LARS2: variants seen among roughly 807,000 people sequenced by gnomAD.
LARS2 encodes leucine--tRNA ligase, mitochondrial.
Under a neutral mutation model 116.6 loss-of-function variants are expected in LARS2, and 81 were observed. The observed-to-expected ratio is 0.69, with a 90% confidence interval of 0.58 to 0.84. The LOEUF (loss-of-function observed/expected upper bound fraction) is 0.84. Among genes scored for constraint, LARS2 ranks in the 40% least tolerant of loss-of-function variants. The pLI, the probability that LARS2 is intolerant of heterozygous loss-of-function variation, is 0.00. For missense variants in LARS2, 968 were observed against 1,114.5 expected, an observed-to-expected ratio of 0.87 and a Z score of 1.87; for synonymous variants, 396 against 407.2, an observed-to-expected ratio of 0.97 and a Z score of 0.33.
intron 6 of LARS2, among the ~76,000 whole-genome samples, chr3:45,432,100 A>G (rs932102588): frequency 6.6e-6 from 1 of 152,230 alleles, no homozygotes; most frequent in Non-Finnish European, 1.5e-5. Flanking sequence ...GCTTAATACA[A>G]TAAGGTATAA....
At chr3:45,473,407 CAG>C (rs1699560048) in intron 8 of LARS2, among the ~76,000 whole-genome samples, 1 of 150,266 alleles carries the variant, frequency 6.7e-6, no homozygotes, top group South Asian at 2.1e-4. Flanking sequence ...TTTTTTGAGA[CAG>C]AGTCTTGCTC....
intron 20 of LARS2, 30 bp from the exon 21 acceptor site, chr3:45,541,799 A>G (rs754863036): frequency 5.0e-6 from 8 of 1,612,626 alleles, no homozygotes; most frequent in Non-Finnish European, 6.8e-6. Context: ...TCTTAGAGTG[A>G]CCCCACGCTT....
At chr3:45,515,543 T>G (rs1202025252) in intron 16 of LARS2, among the ~76,000 whole-genome samples, 1 of 152,060 alleles carries the variant, frequency 6.6e-6, no homozygotes, top group African/African-American at 2.4e-5. Context: ...CAGTGGTATG[T>G]GAGTAGGGGA....
intron 20 of LARS2, among the ~76,000 whole-genome samples, chr3:45,532,080 T>C (rs1056672027): frequency 1.3e-5 from 2 of 152,254 alleles, no homozygotes; most frequent in Non-Finnish European, 2.9e-5. Flanking sequence ...CTAATAGTTA[T>C]GCCATGGTGT....
rs187393473 is a variant in LARS2, at chr3:45,492,063, T to C, written c.1523+263T>C. ...TCAGATCTATCCCAGAAACATCTGA[T>C]CCAACTGATGGAAAAGCTCTAAATT... is the stretch of plus-strand genomic sequence containing the variant. On this transcript the variant is annotated intron_variant, in intron 13 of 21. Transcript: ENST00000645846. 2.0e-5 allele frequency among the ~76,000 whole-genome samples: 3 copies of C among 152,344 alleles called. 1 individual carries two copies. The East Asian group carries it at 5.8e-4, about 29-fold the overall frequency.
intron 4 of LARS2, among the ~76,000 whole-genome samples, chr3:45,406,909 T>C (rs1424649027): frequency 1.3e-5 from 2 of 152,196 alleles, no homozygotes; most frequent in African/African-American, 2.4e-5. Flanking sequence ...TTGTTGTGTT[T>C]TCATATGTTG....
Position 45,547,945 on chromosome 3 carries a change from G to A in LARS2, c.*415G>A, listed in dbSNP as rs937136501. 1 of 159,054 alleles carries A rather than the reference G, an allele frequency of 6.3e-6. No individual in the cohort carries two copies. Among genetic ancestry groups the A allele is most frequent in the Non-Finnish European group, 1.4e-5 (1 of 72,882 alleles). The allele number at this position is 159,054 out of a possible 1,614,324, so 9.9% of individuals were successfully genotyped here. On this transcript the variant is annotated 3_prime_UTR_variant, in exon 22 of 22. Coordinates refer to ENST00000645846, the MANE Select transcript of LARS2 (RefSeq NM_015340.4). ...CTTCTCGGGAATTTGAGGCCAGCCT[G>A]AGGAACTGCAGGACTCAGGTGCAAT... is the stretch of plus-strand genomic sequence containing the variant.
At chr3:45,520,172 CT>C (rs1700430340) in intron 18 of LARS2, 46 bp from the exon 19 acceptor site, 2 of 1,368,718 alleles carry the variant, frequency 1.5e-6, no homozygotes, top group African/African-American at 2.9e-5. Context: ...TTGTGGAAAG[CT>C]TAAAAGAATT....
At chr3:45,439,979 C>A (rs1698877946) in intron 6 of LARS2, among the ~76,000 whole-genome samples, 1 of 152,188 alleles carries the variant, frequency 6.6e-6, no homozygotes, top group African/African-American at 2.4e-5. Context: ...GGGGCCTAGG[C>A]ATTAGTAACT....
At chr3:45,422,429 G>A (rs907010297) in intron 6 of LARS2, 2 of 151,932 alleles carry the variant, frequency 1.3e-5, no homozygotes, top group Non-Finnish European at 2.9e-5. Context: ...CTTTGAGATA[G>A]GATAAATAAC....
At chr3:45,454,809 C>A (rs1453304190) in intron 7 of LARS2, among the ~76,000 whole-genome samples, 1 of 152,166 alleles carries the variant, frequency 6.6e-6, no homozygotes, top group African/African-American at 2.4e-5. Context: ...ATGAGGGAAG[C>A]TATTGATAGA....
At chr3:45,411,504 C>T (rs1698330860) in intron 4 of LARS2, among the ~76,000 whole-genome samples, 1 of 152,210 alleles carries the variant, frequency 6.6e-6, no homozygotes, top group South Asian at 2.1e-4. Context: ...ACCTTCCAGC[C>T]TTCCAAGAAG....
intron 8 of LARS2, among the ~76,000 whole-genome samples, chr3:45,469,315 A>G (rs369684195): frequency 2.0e-4 from 30 of 152,178 alleles, no homozygotes; most frequent in African/African-American, 7.0e-4. Context: ...TCTAAAGTCA[A>G]ACAAGGTAAA....
intron 15 of LARS2, among the ~76,000 whole-genome samples, chr3:45,511,525 C>T (rs559235413): frequency 8.6e-5 from 13 of 152,022 alleles, no homozygotes; most frequent in Middle Eastern, 6.8e-3. Flanking sequence ...ATCATTATAC[C>T]GCTAGGACTT....
chr3:45,520,264 T>C lies in LARS2; in HGVS notation c.2260T>C (p.Ser754Pro). 1.2e-6 allele frequency: 2 copies of C among 1,613,834 alleles called. No homozygotes were observed. The highest frequency in any genetic ancestry group is 1.7e-6 in the Non-Finnish European group (2 of 1,179,724). Reference protein sequence around the residue: ...TEDFSLNSAISQLMGLSNALS... With the variant: ...TEDFSLNSAIPQLMGLSNALS... ...GGACTTCTCACTGAATTCTGCAATT[T>C]CTCAGCTGATGGGACTCAGCAATGC... The change falls in exon 19 of 22, where the codon TCT becomes CCT. Residue 754 changes from serine to proline, a missense_variant. Coordinates refer to ENST00000645846, the MANE Select transcript of LARS2 (RefSeq NM_015340.4).
At chr3:45,418,123 G>A (rs854199) in intron 5 of LARS2, among the ~76,000 whole-genome samples, 16,096 of 152,086 alleles carry the variant, frequency 0.11, 2,781 homozygotes, top group African/African-American at 0.36. Context: ...GTGGGCCAGC[G>A]GTGCTCATTC....
Position 45,516,132 on chromosome 3 carries a change from G to C in LARS2, c.1900G>C (p.Glu634Gln). ...PVHAKTKEKL[E>Q]VTWEKMSKSK... Reference sequence around the variant, plus strand: ...TCATGCAAAAACGAAAGAGAAGTTAGAGGTGACGTGGGAGAAGATGAGTAA... The same window carrying C: ...TCATGCAAAAACGAAAGAGAAGTTACAGGTGACGTGGGAGAAGATGAGTAA... The change falls in exon 17 of 22, where the codon GAG (glutamate) becomes CAG (glutamine). Residue 634 changes from glutamate to glutamine, a missense_variant. Transcript: ENST00000645846. The C allele has an allele frequency of 6.2e-7, 1 of 1,614,222 alleles. No homozygotes were observed. The highest frequency in any genetic ancestry group is 8.5e-7 in the Non-Finnish European group (1 of 1,180,038).
At chr3:45,417,776 G>C (rs1476878213) in intron 5 of LARS2, among the ~76,000 whole-genome samples, 1 of 152,090 alleles carries the variant, frequency 6.6e-6, no homozygotes, top group East Asian at 1.9e-4. Context: ...TTGGATATTT[G>C]TTCATGTGTT....
At chr3:45,399,797 C>T (rs1326245266) in intron 3 of LARS2, among the ~76,000 whole-genome samples, 1 of 151,774 alleles carries the variant, frequency 6.6e-6, no homozygotes. Context: ...CCCTTTCCAC[C>T]CTTCCCCCAA....
Sources: gnomAD v4.1 joint callset for allele counts (sites outside exome capture counted in the v4.1 genomes callset) on GRCh38, gnomAD v4.1.1 for gene constraint, MANE v1.5 for transcripts, NCBI Gene and HGNC (gene_info 2026-07-23, HGNC 2026-07-21) for gene names.